The following OLFM3 variants were observed in gnomAD, a reference collection of about 807,000 sequenced individuals.
OLFM3 encodes olfactomedin 3.
A neutral mutation model predicts 48.6 loss-of-function variants in OLFM3; 20 were observed. The observed-to-expected ratio is 0.41, with a 90% CI of 0.29 to 0.60. OLFM3 has a LOEUF of 0.60. Among genes scored for constraint, OLFM3 ranks in the 20% least tolerant of loss-of-function variants. OLFM3 has a pLI of 0.28. For synonymous variants in OLFM3, 222 were observed against 198.1 expected (o/e 1.12, Z -1.01); for missense variants, 437 against 544.3 (o/e 0.80, Z 1.96).
intron 3 of OLFM3, among the ~76,000 whole-genome samples, chr1:101,829,871 G>T (rs1655058866): frequency 1.3e-5 from 2 of 150,806 alleles, no homozygotes; most frequent in Admixed American, 6.6e-5. Context: ...GTCTCTCTCT[G>T]TTGCCCAGGC....
At chr1:101,839,100 G>T (rs771867421) in intron 1 of OLFM3, among the ~76,000 whole-genome samples, 1 of 152,068 alleles carries the variant, frequency 6.6e-6, no homozygotes, top group Non-Finnish European at 1.5e-5. Context: ...GATCTATTAC[G>T]TAAAGGAAAT....
At chr1:101,805,017 G>A in intron 5 of OLFM3, 102 bp from the exon 6 acceptor site, 1 of 906,472 alleles carries the variant, frequency 1.1e-6, no homozygotes, top group Non-Finnish European at 1.6e-6. Flanking sequence ...TAATTCTCAG[G>A]CTCTGGAAGC....
At chr1:101,820,952 G>A (rs1269324292) in intron 4 of OLFM3, among the ~76,000 whole-genome samples, 1 of 152,006 alleles carries the variant, frequency 6.6e-6, no homozygotes, top group Non-Finnish European at 1.5e-5. Context: ...CCTTCTTGCT[G>A]TTGTTACTAT....
chr1:101,813,225 C>A (rs1654155709), intron 4 of OLFM3: 1 of 469,942 alleles, frequency 2.1e-6, no homozygotes, highest in Non-Finnish European at 3.5e-6. Context: ...AATGAGTGCA[C>A]TAAATATTTG....
intron 1 of OLFM3, among the ~76,000 whole-genome samples, chr1:101,895,136 T>C (rs1366369834): frequency 1.3e-5 from 2 of 152,150 alleles, no homozygotes; most frequent in African/African-American, 4.8e-5. Flanking sequence ...AGAGTAATTA[T>C]GCCCTTGTAC....
chr1:101,842,058 T>C (rs1175583868), intron 1 of OLFM3, among the ~76,000 whole-genome samples: 1 of 152,192 alleles, frequency 6.6e-6, no homozygotes, highest in Non-Finnish European at 1.5e-5. Flanking sequence ...AAAGAAGCTG[T>C]GTTCTGGAGG....
chr1:101,804,985 C>A lies in OLFM3; in HGVS notation c.700-70G>T. The stretch of plus-strand genomic sequence containing the variant: ...TTTTCTGATAACCCCAAAAGAAAGA[C>A]AGTGAGAGTCAACACTTATTATAAT... On this transcript the variant is annotated intron_variant, in intron 5 of 5. Coordinates refer to ENST00000370103, the MANE Select transcript of OLFM3 (RefSeq NM_058170.4). This position sits in a 1 kb window ranked among gnomAD's most constrained non-coding sequence, Gnocchi z 4.5. 1 of 1,176,314 alleles carries A rather than the reference C, an allele frequency of 8.5e-7. No homozygotes were observed. The highest frequency in any genetic ancestry group is 1.2e-6 in the Non-Finnish European group (1 of 838,128). 72.9% of individuals were successfully genotyped at this position (1,176,314 alleles called of 1,614,324 possible).
chr1:101,962,200 A>G (rs1353384403), intron 1 of OLFM3, among the ~76,000 whole-genome samples: 1 of 152,142 alleles, frequency 6.6e-6, no homozygotes, highest in Non-Finnish European at 1.5e-5. Context: ...TGTAGGGATT[A>G]TAAACTTCGT....
chr1:101,917,185 A>T (rs990950118), intron 1 of OLFM3, among the ~76,000 whole-genome samples: 1 of 152,208 alleles, frequency 6.6e-6, no homozygotes, highest in Non-Finnish European at 1.5e-5. Context: ...TTAAGATCAC[A>T]GTGATTATTA....
chr1:101,832,290 T>A (rs1655198971), intron 2 of OLFM3, among the ~76,000 whole-genome samples: 1 of 152,230 alleles, frequency 6.6e-6, no homozygotes, highest in South Asian at 2.1e-4. Flanking sequence ...GATGACTTGT[T>A]CAGACACAAA....
At chr1:101,948,691 A>G (rs1660031517) in intron 1 of OLFM3, among the ~76,000 whole-genome samples, 1 of 151,924 alleles carries the variant, frequency 6.6e-6, no homozygotes, top group Admixed American at 6.6e-5. Flanking sequence ...TGTTGCATCA[A>G]ATTGGGTACT....
intron 1 of OLFM3, among the ~76,000 whole-genome samples, chr1:101,862,596 A>T (rs1656700084): frequency 6.6e-6 from 1 of 152,210 alleles, no homozygotes; most frequent in Non-Finnish European, 1.5e-5. Flanking sequence ...CATTCTTATG[A>T]CCTTAGATAC....
chr1:101,856,679 A>G (rs1173149186), intron 1 of OLFM3, among the ~76,000 whole-genome samples: 1 of 152,000 alleles, frequency 6.6e-6, no homozygotes, highest in African/African-American at 2.4e-5. Flanking sequence ...AAACAGAAGT[A>G]TGTTATGTCT....
Position 101,836,903 on chromosome 1 carries a change from C to G in OLFM3, c.192G>C (p.Arg64Ser). The G allele has an allele frequency of 6.2e-7, 1 of 1,614,100 alleles. No individual in the cohort carries two copies. The highest frequency in any genetic ancestry group is 1.3e-5 in the African/African-American group (1 of 75,036). ...QNLCSRDAKS[R>S]QLRQLLEKVQ... The stretch of plus-strand genomic sequence containing the variant: ...CCTTTTCCAGTAGTTGGCGAAGTTG[C>G]CTGCTTTTGGCATCCCGGGAACACA... The change falls in exon 2 of 6, where the codon AGG (arginine) becomes AGC (serine). Residue 64 changes from arginine (R) to serine (S), a missense_variant. Coordinates refer to ENST00000370103, the MANE Select transcript of OLFM3 (RefSeq NM_058170.4).
intron 1 of OLFM3, among the ~76,000 whole-genome samples, chr1:101,994,153 A>C (rs1661493632): frequency 6.6e-6 from 1 of 151,450 alleles, no homozygotes; most frequent in African/African-American, 2.4e-5. Flanking sequence ...CAATTTTAAG[A>C]GCTTTCCCAT....
At chr1:101,967,630 C>T (rs1280866800) in intron 1 of OLFM3, among the ~76,000 whole-genome samples, 3 of 103,660 alleles carry the variant, frequency 2.9e-5, no homozygotes, top group African/African-American at 4.2e-5. Flanking sequence ...AACTGGAAGA[C>T]GAAAGGAATG....
chr1:101,894,302 G>T (rs928823437), intron 1 of OLFM3, among the ~76,000 whole-genome samples: 1 of 152,082 alleles, frequency 6.6e-6, no homozygotes, highest in Non-Finnish European at 1.5e-5. Context: ...TTAATAGAAG[G>T]TATAACACAG....
At chr1:101,824,104 TTGTGTGTGTG>T (rs141570598) in intron 4 of OLFM3, among the ~76,000 whole-genome samples, 2 of 149,968 alleles carry the variant, frequency 1.3e-5, no homozygotes, top group Non-Finnish European at 3.0e-5. Flanking sequence ...AATTAATCTT[TTGTGTGTGTG>T]TGTGTGTGTG....
At chr1:101,852,546 T>A (rs2100950337) in intron 1 of OLFM3, among the ~76,000 whole-genome samples, 1 of 152,208 alleles carries the variant, frequency 6.6e-6, no homozygotes. Flanking sequence ...CCCAAATTCA[T>A]TTTTTCCCAG....
Sources: allele counts gnomAD v4.1 joint callset (sites outside exome capture counted in the v4.1 genomes callset), GRCh38; gene constraint gnomAD v4.1.1; non-coding constraint Gnocchi (gnomAD v3.1); transcripts MANE v1.5; gene names NCBI Gene and HGNC (gene_info 2026-07-23, HGNC 2026-07-21).